Variants in SCN11A observed in about 807,000 individuals in gnomAD.
SCN11A encodes the protein sodium channel protein type 11 subunit alpha.
In SCN11A, 122 loss-of-function variants were observed where a neutral mutation model predicts 162.2. That is an observed-to-expected ratio of 0.75 (90% CI 0.65 to 0.87). The LOEUF is 0.87. Ranked by LOEUF, SCN11A falls within the 40% of genes least tolerant of loss-of-function variation. SCN11A has a pLI of 0.00. For synonymous variants in SCN11A, 758 were observed against 751.5 expected, an observed-to-expected ratio of 1.01 and a Z score of -0.14; for missense variants, 2,015 against 2,181.6, an observed-to-expected ratio of 0.92 and a Z score of 1.52.
intron 2 of SCN11A, among the ~76,000 whole-genome samples, chr3:39,014,713 T>G (rs772442361): frequency 2.8e-4 from 42 of 152,260 alleles, no homozygotes; most frequent in Admixed American, 8.5e-4. Context: ...TGGGGGTGAA[T>G]AGGAATCCTA....
At position 38,985,441 on chromosome 3, in the gene SCN11A, T is replaced by C. The variant is rs2030204973; in HGVS notation, c.-279-25018A>G. The stretch of plus-strand genomic sequence containing the variant: ...CACCGCACCCGGCCTGCTGGCTGTC[T>C]TAAGAATCAACTGTTAGGGACAGGT... On this transcript the variant is annotated intron_variant, in intron 2 of 29. Transcript: ENST00000302328. 1.3e-5 allele frequency among the ~76,000 whole-genome samples: 2 copies of C among 150,778 alleles called. 1 individual carries two copies. The highest frequency in any genetic ancestry group is 5.0e-5 in the African/African-American group (2 of 40,192).
intron 14 of SCN11A, 56 bp downstream of exon 14, chr3:38,907,893 G>T: frequency 7.0e-7 from 1 of 1,418,594 alleles, no homozygotes; most frequent in East Asian, 2.3e-5. Flanking sequence ...ATTGGCAATT[G>T]GACCTGTCCC....
chr3:38,989,600 T>G (rs2030385579), intron 2 of SCN11A, among the ~76,000 whole-genome samples: 1 of 152,178 alleles, frequency 6.6e-6, no homozygotes. Flanking sequence ...GGATTCCTCT[T>G]CCTCATCCAC....
At chr3:38,899,196 G>C (rs891656754) in intron 17 of SCN11A, among the ~76,000 whole-genome samples, 1 of 152,124 alleles carries the variant, frequency 6.6e-6, no homozygotes, top group Non-Finnish European at 1.5e-5. Context: ...TTTCTCTGTA[G>C]TCCTCTGTCT....
At chr3:38,971,449 C>A (rs1440076700) in intron 2 of SCN11A, among the ~76,000 whole-genome samples, 1 of 152,186 alleles carries the variant, frequency 6.6e-6, no homozygotes, top group Admixed American at 6.5e-5. Context: ...GCCTTACTAA[C>A]TGAGCACTGG....
At chr3:39,019,395 T>A (rs1440327691) in intron 2 of SCN11A, among the ~76,000 whole-genome samples, 10 of 152,094 alleles carry the variant, frequency 6.6e-5, no homozygotes, top group Admixed American at 5.2e-4. Flanking sequence ...CCAAACTACC[T>A]TTGAAAAACC....
chr3:38,882,931 A>C (rs2065333278), intron 22 of SCN11A, among the ~76,000 whole-genome samples: 1 of 152,196 alleles, frequency 6.6e-6, no homozygotes, highest in Admixed American at 6.5e-5. Context: ...GGATACAGTG[A>C]AAATGTCTAG....
At chr3:38,981,619 A>C (rs1472446484) in intron 2 of SCN11A, among the ~76,000 whole-genome samples, 1 of 151,818 alleles carries the variant, frequency 6.6e-6, no homozygotes, top group Non-Finnish European at 1.5e-5. Context: ...GATTTATGGC[A>C]AATTTTTTAG....
intron 2 of SCN11A, among the ~76,000 whole-genome samples, chr3:38,987,303 T>TCACACACACACACACA (rs57092499): frequency 9.6e-6 from 1 of 104,400 alleles, no homozygotes; most frequent in Non-Finnish European, 2.0e-5. Context: ...TCTCTCTCTC[T>TCACACACACACACACA]CACACACACA....
chr3:38,879,892 T>G, intron 23 of SCN11A, 58 bp downstream of exon 23: 1 of 1,428,054 alleles, frequency 7.0e-7, no homozygotes, highest in Non-Finnish European at 9.7e-7. Context: ...AGCCTCCATA[T>G]GATCCCTGCC....
chr3:39,004,186 T>C (rs970322956), intron 2 of SCN11A, among the ~76,000 whole-genome samples: 1 of 152,168 alleles, frequency 6.6e-6, no homozygotes, highest in Non-Finnish European at 1.5e-5. Context: ...CCATCTTGAG[T>C]TGATTTTTGT....
In SCN11A at chr3:38,875,806, A is replaced by G. The variant is rs141222895; in HGVS notation, c.3394-3512T>C. On this transcript the variant is annotated intron_variant, in intron 23 of 29. Coordinates refer to ENST00000302328, the MANE Select transcript of SCN11A (RefSeq NM_001349253.2). ...CTACCAAAAGCGATCTACAAATTCA[A>G]TGCAATTCCCATCAAAATACCACTA... Among the ~76,000 whole-genome samples, 796 of 152,220 alleles carry G rather than the reference A, an allele frequency of 5.2e-3. 5 individuals carry two copies. Among genetic ancestry groups the G allele is most frequent in the African/African-American group, 0.018 (761 of 41,536 alleles).
chr3:39,026,289 T>G (rs1298194870), intron 2 of SCN11A, among the ~76,000 whole-genome samples: 1 of 152,234 alleles, frequency 6.6e-6, no homozygotes, highest in Non-Finnish European at 1.5e-5. Flanking sequence ...AGGTTCACTT[T>G]CTGAAAATTC....
chr3:38,858,670 A>C (rs768658225), intron 28 of SCN11A, among the ~76,000 whole-genome samples: 1 of 152,170 alleles, frequency 6.6e-6, no homozygotes, highest in Non-Finnish European at 1.5e-5. Context: ...AAATTAACAG[A>C]TATTTACAGA....
intron 1 of SCN11A, among the ~76,000 whole-genome samples, chr3:39,046,329 A>C (rs2032181402): frequency 3.3e-5 from 5 of 151,652 alleles, no homozygotes; most frequent in South Asian, 2.1e-4. Context: ...GAGGGAGGGA[A>C]TGAAGGAAAT....
chr3:38,995,838 T>TATCTATCTATCTATCTATCC (rs1356249035), intron 2 of SCN11A, among the ~76,000 whole-genome samples: 1 of 152,116 alleles, frequency 6.6e-6, no homozygotes, highest in Non-Finnish European at 1.5e-5. Context: ...TCTATCTATC[T>TATCTATCTATCTATCTATCC]ATCTATCTAT....
intron 2 of SCN11A, among the ~76,000 whole-genome samples, chr3:38,991,576 T>C (rs1260948883): frequency 2.0e-5 from 3 of 152,242 alleles, no homozygotes; most frequent in African/African-American, 4.8e-5. Flanking sequence ...ACAAAATTTG[T>C]ATAAAAATTT....
rs73828786 is a variant in SCN11A at position 38,987,977 on chromosome 3, C to T, written c.-279-27554G>A. Among the ~76,000 whole-genome samples the T allele has an allele frequency of 5.7e-3, 875 of 152,268 alleles. 10 individuals are homozygous for T. The highest frequency in any genetic ancestry group is 0.02 in the African/African-American group (834 of 41,548). ...TCTGCAGTTCAGCCTCAGAATCAAG[C>T]GTGAGGGAAACAGTCATACCGTCCT... On this transcript the variant is annotated intron_variant, in intron 2 of 29. Coordinates refer to ENST00000302328, the MANE Select transcript of SCN11A (RefSeq NM_001349253.2).
intron 27 of SCN11A, among the ~76,000 whole-genome samples, chr3:38,865,083 C>A (rs1212780121): frequency 1.3e-5 from 2 of 151,986 alleles, no homozygotes; most frequent in Non-Finnish European, 2.9e-5. Flanking sequence ...CTGTGGTTTG[C>A]TCCATAAAAA....
Sources: allele counts gnomAD v4.1 joint callset (sites outside exome capture counted in the v4.1 genomes callset), GRCh38; gene constraint gnomAD v4.1.1; transcripts MANE v1.5; gene names NCBI Gene and HGNC (gene_info 2026-07-23, HGNC 2026-07-21).